The following ATOH8 variants were observed in gnomAD, a reference collection of about 807,000 sequenced individuals.
ATOH8 encodes the protein atonal bHLH transcription factor 8, also known as transcription factor ATOH8.
A neutral mutation model predicts 21.2 loss-of-function variants in ATOH8; 9 were observed. That is an observed-to-expected ratio of 0.42 (90% CI 0.26 to 0.74). The LOEUF is 0.74. Ranked by LOEUF, ATOH8 falls within the 30% of genes least tolerant of loss-of-function variation. The probability of loss-of-function intolerance (pLI) is 0.24; values close to 1 mark genes in which losing one functional copy is unlikely to be tolerated. For synonymous variants in ATOH8, 253 were observed against 224.0 expected (o/e 1.13, Z -1.16); for missense variants, 524 against 470.9 (o/e 1.11, Z -1.04).
intron 2 of ATOH8, among the ~76,000 whole-genome samples, chr2:85,768,394 G>A (rs1289737179): frequency 3.3e-5 from 5 of 152,154 alleles, no homozygotes. Flanking sequence ...TAGGGTAGAG[G>A]ACTGCTGACA....
At chr2:85,784,139 C>A (rs556788707) in intron 2 of ATOH8, among the ~76,000 whole-genome samples, 298 of 152,322 alleles carry the variant, frequency 2.0e-3, no homozygotes, top group Non-Finnish European at 3.5e-3. Context: ...ATCCTGAGAC[C>A]TTCCCCCTGG....
chr2:85,754,967 C>T lies in ATOH8; in HGVS notation c.768+10C>T, dbSNP rs757219438. The stretch of plus-strand genomic sequence containing the variant: ...GGCGCTCAGGAAGCAGGTACCCGCT[C>T]GCCGCCGCACGCCCTCACTGCGCCG... On this transcript the variant is annotated intron_variant, in intron 1 of 2. Coordinates refer to ENST00000306279, the MANE Select transcript of ATOH8 (RefSeq NM_032827.7). 43 of 1,578,262 alleles carry T rather than the reference C, an allele frequency of 2.7e-5. No homozygotes were observed. The highest frequency in any genetic ancestry group is 3.4e-5 in the Non-Finnish European group (40 of 1,168,316).
intron 2 of ATOH8, among the ~76,000 whole-genome samples, chr2:85,777,173 C>T (rs975104081): frequency 3.0e-4 from 45 of 152,206 alleles, no homozygotes; most frequent in Non-Finnish European, 1.6e-4. Context: ...CCCCACCCTT[C>T]GGAACTCAGA....
In ATOH8 at chr2:85,764,167, T is replaced by C; in HGVS notation, c.945T>C (p.Arg315=). The C allele has an allele frequency of 6.2e-7, 1 of 1,614,084 alleles. No individual in the cohort carries two copies. The highest frequency in any genetic ancestry group is 8.5e-7 in the Non-Finnish European group (1 of 1,180,018). The change falls in exon 2 of 3, where the codon CGT becomes CGC. Residue 315 remains arginine (R), a synonymous_variant. Transcript: ENST00000306279. ...CCCGCACCCTGCAGGCCGAGGGACG[T>C]GCCAAGAAGCGCAAGGTATGCACCA... is the stretch of plus-strand genomic sequence containing the variant. ...RCTRTLQAEG[R]AKKRKE
intron 2 of ATOH8, among the ~76,000 whole-genome samples, chr2:85,772,115 G>T (rs778840843): frequency 6.6e-6 from 1 of 152,212 alleles, no homozygotes; most frequent in East Asian, 1.9e-4. Flanking sequence ...CGGCTGCAGC[G>T]CAGTGCAGGC....
Position 85,780,839 on chromosome 2 carries a change from A to G in ATOH8, c.961-6046A>G, listed in dbSNP as rs905788423. ...CACAGCACTATCCTCGATTCATGCC[A>G]TGTTCCCGCCCCCCGCAAATAGCAG... On this transcript the variant is annotated intron_variant, in intron 2 of 2. Transcript: ENST00000306279. 11 of 977,752 alleles carry G rather than the reference A, an allele frequency of 1.1e-5. No homozygotes were observed. The African/African-American group carries it at 1.9e-4, about 17-fold the overall frequency. 60.6% of individuals were successfully genotyped at this position (977,752 alleles called of 1,614,324 possible).
intron 2 of ATOH8, among the ~76,000 whole-genome samples, chr2:85,777,119 G>T (rs774535876): frequency 3.9e-5 from 6 of 152,230 alleles, no homozygotes; most frequent in Non-Finnish European, 5.9e-5. Context: ...TCTGTGTCAG[G>T]TACTGTTCTA....
chr2:85,782,560 A>G (rs543454035), intron 2 of ATOH8, among the ~76,000 whole-genome samples: 8 of 152,204 alleles, frequency 5.3e-5, no homozygotes, highest in Non-Finnish European at 7.3e-5. Context: ...AGATAGACCC[A>G]TTTACAAAAA....
chr2:85,772,725 C>T, intron 2 of ATOH8: 1 of 456,976 alleles, frequency 2.2e-6, no homozygotes, highest in Non-Finnish European at 4.4e-6. Flanking sequence ...TTATGAATAA[C>T]AGGACTGGAC....
chr2:85,767,461 C>A (rs1680046428), intron 2 of ATOH8, among the ~76,000 whole-genome samples: 1 of 151,698 alleles, frequency 6.6e-6, no homozygotes, highest in African/African-American at 2.4e-5. Context: ...ACCGTTCACC[C>A]TCTTCAGCAG....
chr2:85,776,854 G>C (rs769210780), intron 2 of ATOH8, among the ~76,000 whole-genome samples: 4 of 152,180 alleles, frequency 2.6e-5, no homozygotes, highest in African/African-American at 4.8e-5. Context: ...AGCCGTGACC[G>C]GGCATTGCTG....
At position 85,785,762 on chromosome 2, in the gene ATOH8, G is replaced by A. The variant is rs750442; in HGVS notation, c.961-1123G>A. ...TGCTCACTCATGAGAGGGGGGAATG[G>A]GAATGCTCCCTGGCAGGTCGGAGGT... On this transcript the variant is annotated intron_variant, in intron 2 of 2. Coordinates refer to ENST00000306279, the MANE Select transcript of ATOH8 (RefSeq NM_032827.7). The surrounding 1 kb of genome is among the most constrained non-coding windows in gnomAD (Gnocchi z 4.1). 0.3 allele frequency among the ~76,000 whole-genome samples: 46,017 copies of A among 152,186 alleles called. 8,570 individuals carry two copies. Among genetic ancestry groups the A allele is most frequent in the African/African-American group, 0.53 (22,145 of 41,498 alleles).
intron 1 of ATOH8, among the ~76,000 whole-genome samples, chr2:85,760,296 C>G (rs1679831519): frequency 6.6e-6 from 1 of 152,062 alleles, no homozygotes; most frequent in African/African-American, 2.4e-5. Flanking sequence ...TCTGCCTCCT[C>G]CTTTGGCCCG....
intron 1 of ATOH8, among the ~76,000 whole-genome samples, chr2:85,755,487 C>G (rs1316214568): frequency 6.6e-6 from 1 of 152,198 alleles, no homozygotes; most frequent in Non-Finnish European, 1.5e-5. Context: ...CAAGAACCCG[C>G]GCTACAAGCC....
intron 2 of ATOH8, among the ~76,000 whole-genome samples, chr2:85,776,265 T>A (rs1680320105): frequency 6.6e-6 from 1 of 152,218 alleles, no homozygotes; most frequent in East Asian, 1.9e-4. Context: ...CTTCAGGGGT[T>A]GCCTGGCGGC....
At chr2:85,780,987 A>G (rs1224259492) in intron 2 of ATOH8, 2 of 987,832 alleles carry the variant, frequency 2.0e-6, no homozygotes, top group African/African-American at 3.5e-5. Flanking sequence ...CTTGGAGGCC[A>G]GAAGCCCAGG....
In ATOH8 at chr2:85,754,218, G is replaced by C; in HGVS notation, c.29G>C (p.Gly10Ala). The C allele has an allele frequency of 6.2e-7, 1 of 1,602,508 alleles. No individual in the cohort carries two copies. The highest frequency in any genetic ancestry group is 8.5e-7 in the Non-Finnish European group (1 of 1,175,822). The change falls in exon 1 of 3, where the codon GGG becomes GCG. Residue 10 changes from glycine to alanine, a missense_variant. Gly to Ala is a moderately conservative substitution (Grantham distance 60). Transcript: ENST00000306279. MKHIPVLED[G>A]PWKTVCVKEL... ...AAGCACATCCCGGTCCTCGAGGACGGGCCGTGGAAGACCGTGTGCGTGAAG... is the reference window on the plus strand; with the variant it reads ...AAGCACATCCCGGTCCTCGAGGACGCGCCGTGGAAGACCGTGTGCGTGAAG...
intron 1 of ATOH8, among the ~76,000 whole-genome samples, chr2:85,756,733 A>G (rs1679713269): frequency 6.6e-6 from 1 of 152,192 alleles, no homozygotes; most frequent in Admixed American, 6.5e-5. Context: ...GACTTGTCCA[A>G]GGTCACCTAG....
In ATOH8 at chr2:85,764,203, C is replaced by T. The variant is rs757421034; in HGVS notation, c.960+21C>T. Reference sequence around the variant, plus strand: ...GCAAGGTATGCACCAGCTGGGTGGGCGGTAGCTTCTGGGGAGCATAGGGGA... The same window carrying T: ...GCAAGGTATGCACCAGCTGGGTGGGTGGTAGCTTCTGGGGAGCATAGGGGA... On this transcript the variant is annotated intron_variant, in intron 2 of 2. Transcript: ENST00000306279. 4.3e-6 allele frequency: 7 copies of T among 1,612,434 alleles called. No homozygotes were observed. The Admixed American group carries it at 5.0e-5, about 12-fold the overall frequency.
Sources: gnomAD v4.1 joint callset for allele counts (sites outside exome capture counted in the v4.1 genomes callset) on GRCh38, gnomAD v4.1.1 for gene constraint, Gnocchi (gnomAD v3.1) non-coding constraint, MANE v1.5 for transcripts, NCBI Gene and HGNC (gene_info 2026-07-23, HGNC 2026-07-21) for gene names.